COL4A2: variants seen among roughly 807,000 people sequenced by gnomAD.
The protein encoded by COL4A2 is collagen type IV alpha 2 chain, also known as collagen alpha-2(IV) chain.
In COL4A2, 99 loss-of-function variants were observed where a neutral mutation model predicts 200.2. That is an observed-to-expected ratio of 0.49 (90% CI 0.42 to 0.58). COL4A2 has a LOEUF of 0.58. Ranked by LOEUF, COL4A2 falls within the 20% of genes least tolerant of loss-of-function variation. COL4A2 has a pLI of 0.00. For synonymous variants in COL4A2, 897 were observed against 900.6 expected (o/e 1.00, Z 0.07); for missense variants, 1,950 against 2,314.1 (o/e 0.84, Z 3.23).
In COL4A2 at chr13:110,512,296, C is replaced by T; in HGVS notation, c.*105C>T. On this transcript the variant is annotated 3_prime_UTR_variant, in exon 48 of 48. Coordinates refer to ENST00000360467, the MANE Select transcript of COL4A2 (RefSeq NM_001846.4). Reference sequence around the variant, plus strand: ...ATTTTTTTCTTAAAAAAAAAAAAGTCTACCAAAGGAATTTGCATCCAGCAG... The same window carrying T: ...ATTTTTTTCTTAAAAAAAAAAAAGTTTACCAAAGGAATTTGCATCCAGCAG... 2.8e-6 allele frequency: 4 copies of T among 1,419,724 alleles called. No individual in the cohort carries two copies. In the South Asian group the frequency reaches 4.4e-5, roughly 16 times the overall value. The allele number at this position is 1,419,724 out of a possible 1,614,324, so 87.9% of individuals were successfully genotyped here. A position where few individuals can be genotyped will look rare whatever the true frequency, so the allele number is the denominator to read the frequency against.
rs145210752 is a variant in COL4A2 at position 110,383,863 on chromosome 13, C to T, written c.180+26311C>T. ...CTGGTCTCAAGCTATCTGACCACCT[C>T]GGCCTCCCGAAGTGTTGACATTACA... On this transcript the variant is annotated intron_variant, in intron 4 of 47. Transcript: ENST00000360467. Among the ~76,000 whole-genome samples the T allele has an allele frequency of 2.8e-3, 420 of 152,178 alleles. 1 individual carries two copies. The highest frequency in any genetic ancestry group is 4.7e-3 in the Non-Finnish European group (317 of 68,002).
chr13:110,321,241 CATAG>C (rs1158583443), intron 3 of COL4A2, among the ~76,000 whole-genome samples: 3,750 of 141,124 alleles, frequency 0.027, 160 homozygotes, highest in African/African-American at 0.11. Context: ...CACACACACA[CATAG>C]AGAGTGTACA....
At chr13:110,360,068 A>G (rs1877449040) in intron 4 of COL4A2, among the ~76,000 whole-genome samples, 1 of 152,198 alleles carries the variant, frequency 6.6e-6, no homozygotes. Context: ...GTCTCATGCT[A>G]TGGATTTTCC....
At chr13:110,421,569 A>G (rs1027680047) in intron 4 of COL4A2, among the ~76,000 whole-genome samples, 2 of 152,140 alleles carry the variant, frequency 1.3e-5, no homozygotes, top group Non-Finnish European at 2.9e-5. Context: ...GAGGAAAGGG[A>G]ATGGGGAGTG....
At chr13:110,336,734 G>A (rs1876208687) in intron 3 of COL4A2, among the ~76,000 whole-genome samples, 1 of 152,198 alleles carries the variant, frequency 6.6e-6, no homozygotes, top group East Asian at 1.9e-4. Flanking sequence ...TCCCGAGGAT[G>A]TTTGAACATA....
intron 4 of COL4A2, among the ~76,000 whole-genome samples, chr13:110,394,248 T>C (rs1879106218): frequency 6.6e-6 from 1 of 152,236 alleles, no homozygotes; most frequent in African/African-American, 2.4e-5. Context: ...TTTTGCTCTG[T>C]GTGTGCGTGT....
At chr13:110,370,576 G>T (rs892162434) in intron 4 of COL4A2, among the ~76,000 whole-genome samples, 3 of 152,156 alleles carry the variant, frequency 2.0e-5, no homozygotes, top group African/African-American at 4.8e-5. Flanking sequence ...TGTTGTTGTT[G>T]TGTTGTTGTT....
At chr13:110,433,126 A>G (rs1373627314) in intron 11 of COL4A2, among the ~76,000 whole-genome samples, 1 of 152,198 alleles carries the variant, frequency 6.6e-6, no homozygotes, top group East Asian at 1.9e-4. Flanking sequence ...ATGCCTGCCC[A>G]TTGCTGTGAC....
intron 18 of COL4A2, among the ~76,000 whole-genome samples, chr13:110,448,088 A>T (rs1262322177): frequency 6.6e-6 from 1 of 152,156 alleles, no homozygotes; most frequent in Non-Finnish European, 1.5e-5. Flanking sequence ...GTAACTACGA[A>T]GCTGGCATTT....
chr13:110,402,496 C>T (rs978669981), intron 4 of COL4A2, among the ~76,000 whole-genome samples: 2 of 152,188 alleles, frequency 1.3e-5, no homozygotes, highest in East Asian at 1.9e-4. Flanking sequence ...GGGGCAGCCC[C>T]GCCTCCCATG....
intron 34 of COL4A2, among the ~76,000 whole-genome samples, chr13:110,486,847 A>G (rs1170556753): frequency 1.3e-5 from 2 of 152,194 alleles, no homozygotes; most frequent in African/African-American, 2.4e-5. Context: ...AAGGAATTTC[A>G]CAAGATAATG....
intron 3 of COL4A2, among the ~76,000 whole-genome samples, chr13:110,332,846 A>G (rs1258460273): frequency 2.0e-5 from 3 of 152,222 alleles, no homozygotes; most frequent in Admixed American, 6.5e-5. Context: ...GCTTACTTTC[A>G]GCAATGGTGA....
chr13:110,421,774 C>A (rs538939233), intron 4 of COL4A2, among the ~76,000 whole-genome samples: 1 of 152,152 alleles, frequency 6.6e-6, no homozygotes, highest in East Asian at 1.9e-4. Flanking sequence ...AAAGGAAAGA[C>A]TAGAGTTTTT....
chr13:110,340,877 A>G (rs1876417252), intron 3 of COL4A2: 1 of 151,782 alleles, frequency 6.6e-6, no homozygotes, highest in Non-Finnish European at 1.5e-5. Flanking sequence ...ACTTCAGAGG[A>G]CTCTGTTCCT....
At chr13:110,323,835 A>G (rs1265989620) in intron 3 of COL4A2, among the ~76,000 whole-genome samples, 1 of 152,196 alleles carries the variant, frequency 6.6e-6, no homozygotes, top group Non-Finnish European at 1.5e-5. Flanking sequence ...GGGAAAGTCG[A>G]GATTCCTGGC....
chr13:110,433,414 G>A (rs1208512020), intron 11 of COL4A2, among the ~76,000 whole-genome samples: 1 of 150,746 alleles, frequency 6.6e-6, no homozygotes, highest in Non-Finnish European at 1.5e-5. Context: ...ACTTCCTGGT[G>A]ACTTTGACGA....
At chr13:110,485,300 G>T (rs1300029819) in intron 33 of COL4A2, among the ~76,000 whole-genome samples, 1 of 152,120 alleles carries the variant, frequency 6.6e-6, no homozygotes, top group African/African-American at 2.4e-5. Flanking sequence ...GAGGCGGGTG[G>T]ATCACAAGGT....
intron 27 of COL4A2, among the ~76,000 whole-genome samples, chr13:110,468,515 G>A (rs1422152122): frequency 6.6e-6 from 1 of 152,114 alleles, no homozygotes; most frequent in Admixed American, 6.5e-5. Context: ...AGGCTCCGGG[G>A]CTCCCCCAGC....
At chr13:110,462,552 T>TCTGCTC in intron 24 of COL4A2, 168 bp downstream of exon 24, 5 of 613,344 alleles carry the variant, frequency 8.2e-6, no homozygotes, top group African/African-American at 1.8e-5. Flanking sequence ...TCAGACTTTT[T>TCTGCTC]AGGAAACGGT....
Sources: allele counts gnomAD v4.1 joint callset (sites outside exome capture counted in the v4.1 genomes callset), GRCh38; gene constraint gnomAD v4.1.1; transcripts MANE v1.5; gene names NCBI Gene and HGNC (gene_info 2026-07-23, HGNC 2026-07-21).